The following SCHIP1 variants were observed in gnomAD, a reference collection of about 807,000 sequenced individuals.
The protein encoded by SCHIP1 is schwannomin-interacting protein 1.
SCHIP1 carries 8 observed loss-of-function variants against 29.7 expected under a neutral mutation model. The ratio of observed to expected loss-of-function variants is 0.27; its 90% CI spans 0.16 to 0.49. The LOEUF is 0.49. SCHIP1 is among the 20% of genes least tolerant of loss of function. SCHIP1 has a pLI of 0.99. For synonymous variants in SCHIP1, 76 were observed against 94.9 expected (o/e 0.80, Z 1.16); for missense variants, 193 against 294.6 (o/e 0.66, Z 2.52).
At chr3:159,814,650 C>A in the SCHIP1 span, among the ~76,000 whole-genome samples, 2 of 152,190 alleles carry the variant, frequency 1.3e-5, no homozygotes, top group African/African-American at 4.8e-5. Context: ...ACTGCCGAGC[C>A]CCCGATGTTC....
the SCHIP1 span, among the ~76,000 whole-genome samples, chr3:159,322,663 G>A: frequency 6.6e-6 from 1 of 152,174 alleles, no homozygotes; most frequent in Admixed American, 6.5e-5. Context: ...GTGGGGTGGG[G>A]TTGCCTTCTT....
At chr3:159,705,028 A>G in the SCHIP1 span, among the ~76,000 whole-genome samples, 3 of 151,216 alleles carry the variant, frequency 2.0e-5, no homozygotes, top group Admixed American at 6.6e-5. Context: ...CAATGGCACA[A>G]TCTTGGCTCA....
the SCHIP1 span, among the ~76,000 whole-genome samples, chr3:159,288,206 T>C: frequency 1.3e-5 from 2 of 152,086 alleles, no homozygotes; most frequent in Admixed American, 1.3e-4. Context: ...AAAGAAGAAA[T>C]CAAAGACAAC....
At chr3:159,770,142 C>G in the SCHIP1 span, among the ~76,000 whole-genome samples, 1 of 152,214 alleles carries the variant, frequency 6.6e-6, no homozygotes, top group Non-Finnish European at 1.5e-5. Context: ...TTCGTTTGAA[C>G]TCTTGCTGAG....
chr3:159,759,868 C>G, the SCHIP1 span, among the ~76,000 whole-genome samples: 2 of 152,154 alleles, frequency 1.3e-5, no homozygotes, highest in African/African-American at 4.8e-5. Context: ...TAAATATTTT[C>G]CTGTCTATTC....
the SCHIP1 span, among the ~76,000 whole-genome samples, chr3:159,508,077 G>A: frequency 6.6e-6 from 1 of 152,148 alleles, no homozygotes; most frequent in Non-Finnish European, 1.5e-5. Flanking sequence ...GTAGAATTCG[G>A]CTGTGAATCC....
chr3:159,312,310 A>G, the SCHIP1 span, among the ~76,000 whole-genome samples: 7 of 152,138 alleles, frequency 4.6e-5, no homozygotes, highest in Admixed American at 3.9e-4. Flanking sequence ...GATTGGTGAG[A>G]AAGTGGTGAT....
the SCHIP1 span, among the ~76,000 whole-genome samples, chr3:159,804,883 C>T: frequency 5.9e-5 from 9 of 152,200 alleles, no homozygotes; most frequent in South Asian, 2.1e-4. Context: ...CCACACCTTC[C>T]GGTTGCCAAA....
At chr3:159,808,816 G>A in the SCHIP1 span, among the ~76,000 whole-genome samples, 1 of 152,080 alleles carries the variant, frequency 6.6e-6, no homozygotes, top group Admixed American at 6.5e-5. Flanking sequence ...AATTAGCTGG[G>A]CGTATTGGCA....
chr3:159,448,583 T>G, the SCHIP1 span, among the ~76,000 whole-genome samples: 1 of 152,122 alleles, frequency 6.6e-6, no homozygotes, highest in Non-Finnish European at 1.5e-5. Context: ...TGTATAATTT[T>G]AAGATTTGCC....
chr3:159,279,571 G>A, the SCHIP1 span, among the ~76,000 whole-genome samples: 4 of 152,044 alleles, frequency 2.6e-5, no homozygotes, highest in African/African-American at 9.7e-5. Context: ...GTTCTACTGT[G>A]GGAAGACTTC....
At chr3:159,891,192 A>C (rs1717496157) in intron 5 of SCHIP1, among the ~76,000 whole-genome samples, 1 of 152,100 alleles carries the variant, frequency 6.6e-6, no homozygotes, top group Non-Finnish European at 1.5e-5. Context: ...TAACAAGGCA[A>C]AACCCTGTCT....
chr3:159,626,233 G>T, the SCHIP1 span, among the ~76,000 whole-genome samples: 3 of 97,140 alleles, frequency 3.1e-5, 1 homozygote, highest in Admixed American at 1.1e-4. Flanking sequence ...TATATATCTA[G>T]ATATATCTAT....
the SCHIP1 span, among the ~76,000 whole-genome samples, chr3:159,485,785 A>G: frequency 6.6e-6 from 1 of 152,188 alleles, no homozygotes; most frequent in Non-Finnish European, 1.5e-5. Context: ...CATAGTAGGG[A>G]CTTGATAAAT....
At chr3:159,540,242 T>C in the SCHIP1 span, among the ~76,000 whole-genome samples, 1 of 152,080 alleles carries the variant, frequency 6.6e-6, no homozygotes, top group Non-Finnish European at 1.5e-5. Context: ...AAAAGAGTTA[T>C]TTATCTCAAA....
At chr3:159,487,833 AC>A in the SCHIP1 span, among the ~76,000 whole-genome samples, 1 of 152,190 alleles carries the variant, frequency 6.6e-6, no homozygotes, top group Non-Finnish European at 1.5e-5. Flanking sequence ...ACTCCCTTCA[AC>A]CCAGTGGCTA....
the SCHIP1 span, among the ~76,000 whole-genome samples, chr3:159,778,435 A>C: frequency 6.6e-6 from 1 of 152,198 alleles, no homozygotes; most frequent in African/African-American, 2.4e-5. Context: ...TTATATGTCT[A>C]GGATACATTT....
At chr3:159,709,443 T>TA in the SCHIP1 span, among the ~76,000 whole-genome samples, 14 of 151,896 alleles carry the variant, frequency 9.2e-5, no homozygotes, top group Non-Finnish European at 1.3e-4. Flanking sequence ...AAATATTTAA[T>TA]AAAAAAAGGA....
chr3:159,316,895 A>G, the SCHIP1 span, among the ~76,000 whole-genome samples: 1 of 152,350 alleles, frequency 6.6e-6, no homozygotes, highest in Admixed American at 6.5e-5. Flanking sequence ...TGACAGTTAC[A>G]GTCCTTGTTT....
Sources: allele counts gnomAD v4.1 joint callset (sites outside exome capture counted in the v4.1 genomes callset), GRCh38; gene constraint gnomAD v4.1.1; transcripts MANE v1.5; gene names NCBI Gene and HGNC (gene_info 2026-07-23, HGNC 2026-07-21).